MICALL2: variants seen among roughly 807,000 people sequenced by gnomAD.
MICALL2 encodes MICAL-like protein 2.
MICALL2 carries 111 observed loss-of-function variants against 91.1 expected under a neutral mutation model. The ratio of observed to expected loss-of-function variants is 1.22; its 90% CI spans 1.04 to 1.43. MICALL2 has a LOEUF of 1.43. Ranked by LOEUF, MICALL2 falls within the 40% of genes most tolerant of loss-of-function variation. MICALL2 has a pLI of 0.00. For missense variants in MICALL2, 1,556 were observed against 1,236.0 expected (o/e 1.26, Z -3.88); for synonymous variants, 694 against 525.3 (o/e 1.32, Z -4.39).
At chr7:1,434,981 A>ACCCTC in intron 16 of MICALL2, 120 bp downstream of exon 16, 1 of 372,302 alleles carries the variant, frequency 2.7e-6, no homozygotes, top group Non-Finnish European at 4.9e-6. Flanking sequence ...GGGACCCGAT[A>ACCCTC]CCCGCCCCCC....
At chr7:1,446,643 G>C in intron 5 of MICALL2, 70 bp downstream of exon 5, 1 of 1,167,464 alleles carries the variant, frequency 8.6e-7, no homozygotes, top group Non-Finnish European at 1.2e-6. Context: ...GGTGGGAGGC[G>C]ATGGGAGCTG....
At chr7:1,434,844 G>A (rs1779886771) in intron 16 of MICALL2, 172 bp from the exon 17 acceptor site, 4 of 762,802 alleles carry the variant, frequency 5.2e-6, no homozygotes, top group African/African-American at 3.5e-5. Flanking sequence ...TGCCCCGACT[G>A]GGTGCCCCGG....
At chr7:1,437,793 T>A in intron 13 of MICALL2, 97 bp downstream of exon 13, 4 of 1,305,652 alleles carry the variant, frequency 3.1e-6, no homozygotes, top group Non-Finnish European at 4.3e-6. Context: ...CAGACATGCA[T>A]CTGAGGCCTG....
chr7:1,445,574 T>C (rs1780537188), intron 5 of MICALL2, 146 bp from the exon 6 acceptor site: 3 of 733,762 alleles, frequency 4.1e-6, no homozygotes, highest in Non-Finnish European at 6.5e-6. Flanking sequence ...ATTCACCACG[T>C]GCTCCTGAGA....
chr7:1,445,372 G>T lies in MICALL2; in HGVS notation c.698C>A (p.Pro233Gln), dbSNP rs772776571. 3 of 1,586,440 alleles carry T rather than the reference G, an allele frequency of 1.9e-6. No individual in the cohort carries two copies. In the African/African-American group the frequency reaches 4.0e-5, roughly 21 times the overall value. ...GTGGCTGGTGCAGACGAAGGTGCCC[G>T]GCTCTCCTGTGGCCTTGTAGGCCCC... ...HSGAYKATGEPGTFVCTSHLP... is the reference protein window; with the variant it reads ...HSGAYKATGEQGTFVCTSHLP... Residue 233 changes from proline to glutamine, a missense_variant, in exon 6 of 17, where the codon CCG (proline) becomes CAG (glutamine). Coordinates refer to ENST00000297508, the MANE Select transcript of MICALL2 (RefSeq NM_182924.4).
chr7:1,440,748 G>C (rs1780242432), intron 7 of MICALL2, 64 bp from the exon 8 acceptor site: 1 of 1,413,700 alleles, frequency 7.1e-7, no homozygotes. Context: ...GTCTGCAAGG[G>C]TGGCTGTGCC....
intron 7 of MICALL2, chr7:1,441,048 G>A (rs528405990): frequency 1.6e-5 from 5 of 305,380 alleles, no homozygotes; most frequent in Non-Finnish European, 3.2e-5. Flanking sequence ...CTTGGCTCCT[G>A]GGTCCTGCAG....
chr7:1,446,913 C>A (rs578117584), intron 4 of MICALL2, 85 bp from the exon 5 acceptor site: 3 of 961,260 alleles, frequency 3.1e-6, no homozygotes, highest in African/African-American at 1.7e-5. Flanking sequence ...CGGAAGAGCC[C>A]ATCTTACAGA....
At chr7:1,447,936 C>G (rs1003458308) in intron 3 of MICALL2, 171 bp from the exon 4 acceptor site, 3 of 483,844 alleles carry the variant, frequency 6.2e-6, no homozygotes, top group Admixed American at 7.8e-5. Context: ...AGCCCCGGGT[C>G]GGTCCCCACT....
chr7:1,443,628 A>T (rs1780418055), intron 6 of MICALL2, among the ~76,000 whole-genome samples: 1 of 152,160 alleles, frequency 6.6e-6, no homozygotes, highest in Admixed American at 6.5e-5. Flanking sequence ...GAAGAGACAG[A>T]AGAGGAGAAG....
At chr7:1,448,562 CAGG>C in intron 3 of MICALL2, 55 bp downstream of exon 3, 1 of 1,603,666 alleles carries the variant, frequency 6.2e-7, no homozygotes, top group African/African-American at 1.3e-5. Flanking sequence ...GCCTGGGAGC[CAGG>C]CCAAGGATGG....
chr7:1,453,829 G>A (rs1156626889), intron 1 of MICALL2, among the ~76,000 whole-genome samples: 1 of 152,224 alleles, frequency 6.6e-6, no homozygotes, highest in African/African-American at 2.4e-5. Context: ...CACAGTCGGT[G>A]CCCTATAAAT....
intron 14 of MICALL2, 38 bp from the exon 15 acceptor site, chr7:1,436,894 ACTG>A (rs1562445128): frequency 1.4e-6 from 2 of 1,423,204 alleles, no homozygotes; most frequent in Non-Finnish European, 1.9e-6. Flanking sequence ...CCCCCCCACC[ACTG>A]CCATGCCCCT....
intron 5 of MICALL2, 123 bp downstream of exon 5, chr7:1,446,589 GA>G (rs1158512101): frequency 9.5e-6 from 6 of 633,772 alleles, no homozygotes; most frequent in Non-Finnish European, 1.7e-5. Flanking sequence ...GAGGAGGGGA[GA>G]GGGGAGAGGG....
At chr7:1,438,030 C>T (rs1369285227) in intron 12 of MICALL2, 50 bp from the exon 13 acceptor site, 3 of 1,556,670 alleles carry the variant, frequency 1.9e-6, no homozygotes, top group South Asian at 1.2e-5. Context: ...AGTTCATGGC[C>T]CCCAGCCCCA....
Position 1,446,773 on chromosome 7 carries a change from T to C in MICALL2, c.581A>G (p.His194Arg). Residue 194 changes from histidine to arginine, a missense_variant, in exon 5 of 17, where the codon CAC (histidine) becomes CGC (arginine). Physicochemically the swap from His to Arg is conservative, Grantham distance 29. Coordinates refer to ENST00000297508, the MANE Select transcript of MICALL2 (RefSeq NM_182924.4). ...VSSTCGVCGK[H>R]VHLVQRHLAD... Reference sequence around the variant, plus strand: ...CAGGTGCCGCTGTACCAGGTGCACGTGCTTGCCGCAGACCCCGCAGGTGCT... The same window carrying C: ...CAGGTGCCGCTGTACCAGGTGCACGCGCTTGCCGCAGACCCCGCAGGTGCT... The C allele has an allele frequency of 3.1e-6, 5 of 1,608,368 alleles. No individual in the cohort carries two copies. The South Asian group carries it at 5.5e-5, about 18-fold the overall frequency.
At position 1,451,933 on chromosome 7, in the gene MICALL2, T is replaced by C. The variant is rs906137011; in HGVS notation, c.144-1645A>G. Among the ~76,000 whole-genome samples the C allele has an allele frequency of 6.6e-6, 1 of 152,160 alleles. No individual in the cohort carries two copies. The highest frequency in any genetic ancestry group is 1.5e-5 in the Non-Finnish European group (1 of 68,018). On this transcript the variant is annotated intron_variant, in intron 1 of 16. Transcript: ENST00000297508. The surrounding 1 kb of genome is among the most constrained non-coding windows in gnomAD (Gnocchi z 4.5). The stretch of plus-strand genomic sequence containing the variant: ...CCGGACAGTGAGCCCATTTCACCTG[T>C]TTCACAGATGGGGAAACTGAGGCCA...
At position 1,448,516 on chromosome 7, in the gene MICALL2, G is replaced by T. The variant is rs531501351; in HGVS notation, c.334+104C>A. On this transcript the variant is annotated intron_variant, in intron 3 of 16. Coordinates refer to ENST00000297508, the MANE Select transcript of MICALL2 (RefSeq NM_182924.4). ...TGCCCATGCCAGGGGCCATTCTTGG[G>T]GGGGGGGCTGGGCATGGACCCCAAA... 188 of 1,068,000 alleles carry T rather than the reference G, an allele frequency of 1.8e-4. 1 individual carries two copies. In the African/African-American group the frequency reaches 2.8e-3, roughly 16 times the overall value. The allele number at this position is 1,068,000 out of a possible 1,614,324, so 66.2% of individuals were successfully genotyped here.
chr7:1,434,980 T>TGGCC, intron 16 of MICALL2, 121 bp downstream of exon 16: 23 of 628,916 alleles, frequency 3.7e-5, no homozygotes, highest in Middle Eastern at 4.3e-4. Context: ...GGGGACCCGA[T>TGGCC]ACCCGCCCCC....
Sources: gnomAD v4.1 joint callset for allele counts (sites outside exome capture counted in the v4.1 genomes callset) on GRCh38, gnomAD v4.1.1 for gene constraint, Gnocchi (gnomAD v3.1) non-coding constraint, MANE v1.5 for transcripts, NCBI Gene and HGNC (gene_info 2026-07-23, HGNC 2026-07-21) for gene names.